The following ANO3 variants were observed in gnomAD, a reference collection of about 807,000 sequenced individuals.
The protein encoded by ANO3 is anoctamin 3.
ANO3 carries 99 observed loss-of-function variants against 144.8 expected under a neutral mutation model. The ratio of observed to expected loss-of-function variants is 0.68; its 90% CI spans 0.58 to 0.81. ANO3 has a LOEUF of 0.81. Among genes scored for constraint, ANO3 ranks in the 30% least tolerant of loss-of-function variants. The pLI is 0.00. For missense variants in ANO3, 905 were observed against 1,202.2 expected, an observed-to-expected ratio of 0.75 and a Z score of 3.66; for synonymous variants, 414 against 392.6, an observed-to-expected ratio of 1.05 and a Z score of -0.64.
At chr11:26,467,944 G>C (rs1307237037) in intron 4 of ANO3, among the ~76,000 whole-genome samples, 1 of 151,856 alleles carries the variant, frequency 6.6e-6, no homozygotes, top group Non-Finnish European at 1.5e-5. Context: ...TAGAGCAAAT[G>C]AGGGGGATTC....
intron 1 of ANO3, among the ~76,000 whole-genome samples, chr11:26,245,853 T>A (rs2133815080): frequency 6.6e-6 from 1 of 152,284 alleles, no homozygotes; most frequent in East Asian, 1.9e-4. Flanking sequence ...GAACATACGA[T>A]GGCCTGTTGC....
chr11:26,399,740 T>A (rs1027472060), intron 1 of ANO3, among the ~76,000 whole-genome samples: 1 of 152,002 alleles, frequency 6.6e-6, no homozygotes, highest in Admixed American at 6.6e-5. Flanking sequence ...CTGCCCCCTT[T>A]CCTGCACCTC....
Position 26,643,253 on chromosome 11 carries a change from A to G in ANO3, c.2347A>G (p.Asn783Asp). ...AGCCCCTCTTTTGGCTTTGTTAAAC[A>G]ATATCATTGAAATCAGGCTGGATGC... ...PLAPLLALLN[N>D]IIEIRLDAYK... The change falls in exon 23 of 27, where the codon AAT (asparagine) becomes GAT (aspartate). Residue 783 changes from asparagine to aspartate, a missense_variant. By Grantham distance (23) the Asn-to-Asp change is conservative. This residue lies in a region of ANO3 where 597 missense variants were observed against 865.1 expected (regional missense o/e 0.69). Coordinates refer to ENST00000256737, the MANE Select transcript of ANO3 (RefSeq NM_031418.4). 1.2e-6 allele frequency: 2 copies of G among 1,614,178 alleles called. No individual in the cohort carries two copies. Among genetic ancestry groups the G allele is most frequent in the Non-Finnish European group, 1.7e-6 (2 of 1,180,032 alleles).
chr11:26,526,329 C>T (rs1341522622), intron 7 of ANO3, among the ~76,000 whole-genome samples: 1 of 152,110 alleles, frequency 6.6e-6, no homozygotes, highest in African/African-American at 2.4e-5. Context: ...CTTTTTGTCA[C>T]TATTTAACTG....
rs114593176 is a variant in ANO3 at position 26,431,828 on chromosome 11, A to T, written c.47-10090A>T. 9.1e-3 allele frequency among the ~76,000 whole-genome samples: 1,384 copies of T among 152,132 alleles called. 26 individuals are homozygous for T. Among genetic ancestry groups the T allele is most frequent in the African/African-American group, 0.032 (1,321 of 41,502 alleles). Reference sequence around the variant, plus strand: ...CAATGATGAACATTTAATTTGATTCATTGTCTTTGTTATTGTGAGCAGTGC... The same window carrying T: ...CAATGATGAACATTTAATTTGATTCTTTGTCTTTGTTATTGTGAGCAGTGC... On this transcript the variant is annotated intron_variant, in intron 1 of 26. Transcript: ENST00000256737.
At chr11:26,235,633 A>G (rs1459423463) in intron 1 of ANO3, among the ~76,000 whole-genome samples, 1 of 151,176 alleles carries the variant, frequency 6.6e-6, no homozygotes, top group African/African-American at 2.4e-5. Flanking sequence ...GTATTAGTGA[A>G]TCTAAAGGTT....
At chr11:26,434,195 A>T (rs1858215078) in intron 1 of ANO3, among the ~76,000 whole-genome samples, 1 of 151,900 alleles carries the variant, frequency 6.6e-6, no homozygotes, top group Non-Finnish European at 1.5e-5. Flanking sequence ...TAGGTTTTCC[A>T]GTTTGTGTGC....
intron 1 of ANO3, among the ~76,000 whole-genome samples, chr11:26,407,736 A>G (rs1475612048): frequency 6.6e-6 from 1 of 151,816 alleles, no homozygotes; most frequent in African/African-American, 2.4e-5. Context: ...TTCTCTTAAG[A>G]TAAAGTTTAA....
In ANO3 at chr11:26,394,537, G is replaced by A. The variant is rs149177784; in HGVS notation, c.47-47381G>A. Among the ~76,000 whole-genome samples, 972 of 149,142 alleles carry A rather than the reference G, an allele frequency of 6.5e-3. 12 individuals carry two copies. The highest frequency in any genetic ancestry group is 0.022 in the African/African-American group (899 of 40,804). ...CCAATGTCTTCAATAATAGGAGATA[G>A]ATGGAAAACATTAAAAAAATTGATT... On this transcript the variant is annotated intron_variant, in intron 1 of 26. Transcript: ENST00000256737.
upstream of ANO3, among the ~76,000 whole-genome samples, chr11:26,309,304 G>A (rs1039793898): frequency 5.3e-5 from 8 of 152,152 alleles, no homozygotes; most frequent in African/African-American, 1.4e-4. Context: ...TACAGCCTCC[G>A]AGTTTGGGGG....
intron 17 of ANO3, among the ~76,000 whole-genome samples, chr11:26,615,224 A>G (rs1245887182): frequency 1.3e-5 from 2 of 149,026 alleles, no homozygotes; most frequent in South Asian, 2.1e-4. Flanking sequence ...AACCACCGCT[A>G]TACAAGTAGC....
chr11:26,205,849 T>C (rs1182964664), intron 1 of ANO3, among the ~76,000 whole-genome samples: 1 of 152,216 alleles, frequency 6.6e-6, no homozygotes, highest in African/African-American at 2.4e-5. Flanking sequence ...AATGGTCTTT[T>C]TATACCGGCA....
intron 3 of ANO3, among the ~76,000 whole-genome samples, chr11:26,460,832 T>G (rs1231813348): frequency 6.6e-6 from 1 of 152,102 alleles, no homozygotes; most frequent in Non-Finnish European, 1.5e-5. Flanking sequence ...TAATGTAAAT[T>G]GTCATTTTAT....
chr11:26,258,220 G>A (rs1483875079), intron 1 of ANO3, among the ~76,000 whole-genome samples: 3 of 152,090 alleles, frequency 2.0e-5, no homozygotes, highest in Non-Finnish European at 4.4e-5. Context: ...TGTCCCCAAA[G>A]TGTAATACTC....
At chr11:26,274,028 G>A (rs1853505682) in intron 1 of ANO3, among the ~76,000 whole-genome samples, 1 of 150,616 alleles carries the variant, frequency 6.6e-6, no homozygotes, top group African/African-American at 2.5e-5. Context: ...AAACCATCCG[G>A]GACATGGCAC....
chr11:26,286,278 T>C (rs916372703), intron 1 of ANO3: 1 of 152,226 alleles, frequency 6.6e-6, no homozygotes, highest in Admixed American at 6.5e-5. Flanking sequence ...TAACATTTGT[T>C]TCATTTAGAG....
intron 1 of ANO3, among the ~76,000 whole-genome samples, chr11:26,348,433 A>C (rs1855552210): frequency 1.3e-5 from 2 of 152,150 alleles, no homozygotes; most frequent in Admixed American, 1.3e-4. Flanking sequence ...GGGTATCGAT[A>C]ATGGGCTTCT....
At chr11:26,343,443 A>G (rs1011304076) in intron 1 of ANO3, among the ~76,000 whole-genome samples, 8 of 152,130 alleles carry the variant, frequency 5.3e-5, no homozygotes, top group Admixed American at 1.3e-4. Context: ...TGGAAGTTCT[A>G]TTTTTATTTT....
chr11:26,191,593 C>G (rs546623818), intron 1 of ANO3, among the ~76,000 whole-genome samples: 54 of 152,294 alleles, frequency 3.5e-4, no homozygotes, highest in Admixed American at 3.1e-3. Context: ...GTGTTATAAA[C>G]CTGGTGCTCT....
Sources: gnomAD v4.1 joint callset for allele counts (sites outside exome capture counted in the v4.1 genomes callset) on GRCh38, gnomAD v4.1.1 for gene constraint, gnomAD v4.1.1 regional missense constraint, MANE v1.5 for transcripts, NCBI Gene and HGNC (gene_info 2026-07-23, HGNC 2026-07-21) for gene names.